The following DDX1 variants were observed in gnomAD, a reference collection of about 807,000 sequenced individuals.
DDX1 encodes ATP-dependent RNA helicase DDX1.
In DDX1, 28 loss-of-function variants were observed where a neutral mutation model predicts 108.7. That is an observed-to-expected ratio of 0.26 (90% CI 0.19 to 0.35). DDX1 has a LOEUF of 0.35. Ranked by LOEUF, DDX1 falls within the 10% of genes least tolerant of loss-of-function variation. DDX1 has a pLI of 1.00. For missense variants in DDX1, 710 were observed against 884.5 expected (o/e 0.80, Z 2.50); for synonymous variants, 295 against 288.9 (o/e 1.02, Z -0.21).
intron 1 of DDX1, among the ~76,000 whole-genome samples, chr2:15,594,288 GTTCT>G (rs1665465671): frequency 6.6e-6 from 1 of 151,812 alleles, no homozygotes; most frequent in Non-Finnish European, 1.5e-5. Flanking sequence ...TTTGATTCTT[GTTCT>G]TTTTTTTATA....
intron 17 of DDX1, 73 bp from the exon 18 acceptor site, chr2:15,620,992 T>A: frequency 1.0e-6 from 1 of 954,910 alleles, no homozygotes; most frequent in Non-Finnish European, 1.6e-6. Context: ...ATCTCCCTTT[T>A]AAAACATGAC....
chr2:15,603,139 AAATG>A, intron 7 of DDX1, 49 bp from the exon 8 acceptor site: 1 of 1,223,798 alleles, frequency 8.2e-7, no homozygotes, highest in Non-Finnish European at 1.2e-6. Flanking sequence ...ACTTCATGGT[AAATG>A]AATCGTGTGT....
intron 14 of DDX1, among the ~76,000 whole-genome samples, chr2:15,616,001 T>C (rs191019554): frequency 1.3e-5 from 2 of 152,164 alleles, no homozygotes; most frequent in East Asian, 3.9e-4. Context: ...CAAGCAGTTC[T>C]CCTCCCTCAG....
chr2:15,612,152 C>T (rs1665780444), intron 13 of DDX1, among the ~76,000 whole-genome samples: 1 of 150,056 alleles, frequency 6.7e-6, no homozygotes, highest in Non-Finnish European at 1.5e-5. Context: ...CCCCCCCCAC[C>T]TCCCTCCTGG....
intron 6 of DDX1, 149 bp from the exon 7 acceptor site, chr2:15,602,399 G>GT: frequency 3.4e-6 from 2 of 595,680 alleles, no homozygotes; most frequent in South Asian, 2.0e-5. Context: ...TCAGGAATCA[G>GT]TAAGTCTCAG....
intron 25 of DDX1, 111 bp from the exon 26 acceptor site, chr2:15,630,665 C>A: frequency 1.8e-6 from 2 of 1,122,040 alleles, no homozygotes; most frequent in South Asian, 1.6e-5. Context: ...CCCAGTAGTA[C>A]ATTTTATTGC....
At chr2:15,613,185 T>C in intron 13 of DDX1, 39 bp from the exon 14 acceptor site, 1 of 1,381,932 alleles carries the variant, frequency 7.2e-7, no homozygotes, top group South Asian at 1.3e-5. Flanking sequence ...AGACTTTAAT[T>C]TTTTTTTTTT....
intron 1 of DDX1, 94 bp downstream of exon 1, chr2:15,592,043 C>A (rs530506080): frequency 4.3e-6 from 5 of 1,174,990 alleles, no homozygotes; most frequent in Non-Finnish European, 5.6e-6. Flanking sequence ...CGGGAGCGGA[C>A]AGGGGTCAGG....
chr2:15,606,678 A>G (rs1023116244), intron 12 of DDX1, among the ~76,000 whole-genome samples: 4 of 152,256 alleles, frequency 2.6e-5, no homozygotes, highest in Non-Finnish European at 4.4e-5. Flanking sequence ...ACTGAATTCA[A>G]ATCTAAGCAG....
At chr2:15,614,229 C>T (rs970024600) in intron 14 of DDX1, among the ~76,000 whole-genome samples, 1 of 152,106 alleles carries the variant, frequency 6.6e-6, no homozygotes, top group Non-Finnish European at 1.5e-5. Context: ...CTTTTATTTC[C>T]TTTCCTAAAT....
chr2:15,608,926 T>C (rs574567656), intron 13 of DDX1, among the ~76,000 whole-genome samples: 1 of 152,122 alleles, frequency 6.6e-6, no homozygotes, highest in African/African-American at 2.4e-5. Context: ...TTACTAATTT[T>C]GTTTTGAAGA....
intron 10 of DDX1, among the ~76,000 whole-genome samples, 169 bp from the exon 11 acceptor site, chr2:15,605,781 G>A (rs1195506954): frequency 6.6e-6 from 1 of 152,194 alleles, no homozygotes; most frequent in Non-Finnish European, 1.5e-5. Context: ...AGAAGTGACA[G>A]TTTCAGGAGT....
intron 18 of DDX1, 120 bp from the exon 19 acceptor site, chr2:15,623,316 T>C: frequency 3.5e-6 from 3 of 857,632 alleles, no homozygotes; most frequent in Non-Finnish European, 5.3e-6. Flanking sequence ...AATACTTTTA[T>C]TAAAACAAGT....
Position 15,595,495 on chromosome 2 carries a change from C to T in DDX1, c.74C>T (p.Pro25Leu). ...TTCAAATATGATTCTTTTAGCCTCC[C>T]AACTGATATCCAGGCTGAATCTATC... is the stretch of plus-strand genomic sequence containing the variant. ...QAVEEMDWLL[P>L]TDIQAESIPL... is the part of the protein sequence containing the mutation. The change falls in exon 3 of 26, where the codon CCA (proline) becomes CTA (leucine). Residue 25 changes from proline (P) to leucine (L), a missense_variant. Around this residue, in one of 3 missense-constraint regions of DDX1, gnomAD observed 48 missense variants for 57.5 expected, o/e 0.83. Transcript: ENST00000233084. 6.2e-7 allele frequency: 1 copy of T among 1,609,740 alleles called. No homozygotes were observed. Among genetic ancestry groups the T allele is most frequent in the Admixed American group, 1.7e-5 (1 of 60,000 alleles).
intron 9 of DDX1, among the ~76,000 whole-genome samples, chr2:15,604,190 A>G (rs1665629498): frequency 6.6e-6 from 1 of 152,076 alleles, no homozygotes; most frequent in South Asian, 2.1e-4. Context: ...ATTTCTTATT[A>G]TTGATCATGA....
intron 1 of DDX1, among the ~76,000 whole-genome samples, chr2:15,593,951 G>C (rs113025497): frequency 3.9e-5 from 6 of 152,072 alleles, no homozygotes; most frequent in African/African-American, 1.4e-4. Flanking sequence ...GGTGGCATGC[G>C]CCTGTAGCCC....
At chr2:15,604,369 C>A in intron 9 of DDX1, 68 bp from the exon 10 acceptor site, 1 of 990,834 alleles carries the variant, frequency 1.0e-6, no homozygotes, top group Non-Finnish European at 1.6e-6. Context: ...ACTTTTGATG[C>A]AGCTATATTT....
intron 13 of DDX1, among the ~76,000 whole-genome samples, chr2:15,611,853 T>C: frequency 1.3e-5 from 1 of 79,386 alleles, no homozygotes; most frequent in Admixed American, 1.2e-4. Context: ...CACTTCCCAG[T>C]AGGGGCGGCT....
Position 15,611,703 on chromosome 2 carries a change from C to T in DDX1, c.957-1521C>T, listed in dbSNP as rs1374160423. On this transcript the variant is annotated intron_variant, in intron 13 of 25. Coordinates refer to ENST00000233084, the MANE Select transcript of DDX1 (RefSeq NM_004939.3). ...CCGGGCGGGGGGCTGACCCCCCCAC[C>T]TCCCTCCCGGACGGGGCGACTGGCC... is the stretch of plus-strand genomic sequence containing the variant. 4.4e-5 allele frequency among the ~76,000 whole-genome samples: 5 copies of T among 112,964 alleles called. 1 individual carries two copies. The highest frequency in any genetic ancestry group is 8.8e-5 in the Non-Finnish European group (5 of 57,042). 74.1% of individuals were successfully genotyped at this position (112,964 alleles called of 152,430 possible). A position where few individuals can be genotyped will look rare whatever the true frequency, so the allele number is the denominator to read the frequency against.
Sources: allele counts gnomAD v4.1 joint callset (sites outside exome capture counted in the v4.1 genomes callset), GRCh38; gene constraint gnomAD v4.1.1; regional missense constraint gnomAD v4.1.1; transcripts MANE v1.5; gene names NCBI Gene and HGNC (gene_info 2026-07-23, HGNC 2026-07-21).